SPICE1: variants seen among roughly 807,000 people sequenced by gnomAD.
The protein encoded by SPICE1 is spindle and centriole associated protein 1.
Under a neutral mutation model 102.7 loss-of-function variants are expected in SPICE1, and 75 were observed. The observed-to-expected ratio is 0.73, with a 90% CI of 0.61 to 0.88. SPICE1 has a LOEUF of 0.88. Among genes scored for constraint, SPICE1 ranks in the 40% least tolerant of loss-of-function variants. The pLI is 0.00. For synonymous variants in SPICE1, 308 were observed against 350.3 expected, an observed-to-expected ratio of 0.88 and a Z score of 1.35; for missense variants, 979 against 1,020.1, an observed-to-expected ratio of 0.96 and a Z score of 0.55.
At chr3:113,503,306 G>T in intron 2 of SPICE1, 79 bp from the exon 3 acceptor site, 1 of 1,361,400 alleles carries the variant, frequency 7.3e-7, no homozygotes, top group East Asian at 2.7e-5. Flanking sequence ...GATTTTAATG[G>T]CTAAAATGGT....
intron 4 of SPICE1, among the ~76,000 whole-genome samples, chr3:113,494,356 AT>A (rs1936827504): frequency 6.6e-6 from 1 of 152,186 alleles, no homozygotes; most frequent in South Asian, 2.1e-4. Context: ...AGTAAGAAAT[AT>A]TCACAATTGG....
chr3:113,464,844 T>G (rs960581735), intron 11 of SPICE1, among the ~76,000 whole-genome samples: 2 of 152,156 alleles, frequency 1.3e-5, no homozygotes, highest in African/African-American at 4.8e-5. Context: ...CAGTGGCTCA[T>G]GCCTGTAATC....
intron 7 of SPICE1, among the ~76,000 whole-genome samples, chr3:113,487,018 C>T (rs773318709): frequency 6.6e-6 from 1 of 151,814 alleles, no homozygotes; most frequent in Non-Finnish European, 1.5e-5. Flanking sequence ...ACCCTGAAAA[C>T]AGCTTTTTGT....
In SPICE1 at chr3:113,513,673, C is replaced by T. The variant is rs369427119; in HGVS notation, c.-1+1224G>A. On this transcript the variant is annotated intron_variant, in intron 1 of 17. Coordinates refer to ENST00000295872, the MANE Select transcript of SPICE1 (RefSeq NM_144718.4). ...CCTTATCTCTTAGTGAATCAGATAACAGAATCTATTAACTTTTTCCCTAAA... is the reference window on the plus strand; with the variant it reads ...CCTTATCTCTTAGTGAATCAGATAATAGAATCTATTAACTTTTTCCCTAAA... Among the ~76,000 whole-genome samples the T allele has an allele frequency of 9.7e-4, 147 of 152,308 alleles. 1 individual carries two copies. The highest frequency in any genetic ancestry group is 3.3e-3 in the African/African-American group (137 of 41,558).
At chr3:113,510,747 G>A (rs1009152241) in intron 1 of SPICE1, among the ~76,000 whole-genome samples, 7 of 151,998 alleles carry the variant, frequency 4.6e-5, no homozygotes, top group South Asian at 4.1e-4. Flanking sequence ...CAATTGTAAC[G>A]AAAGCAAAAC....
chr3:113,460,673 T>C lies in SPICE1; in HGVS notation c.1379A>G (p.Gln460Arg). 1.2e-6 allele frequency: 2 copies of C among 1,614,006 alleles called. No individual in the cohort carries two copies. The highest frequency in any genetic ancestry group is 1.7e-6 in the Non-Finnish European group (2 of 1,179,938). ...TCCGCTTTCTGATGCCTGAATTTCTTGTCTGTTATTTATCACAGGACAGTT... is the reference window on the plus strand; with the variant it reads ...TCCGCTTTCTGATGCCTGAATTTCTCGTCTGTTATTTATCACAGGACAGTT... ...IKNCPVINNR[Q>R]EIQASESGAT... is the part of the protein sequence containing the mutation. Residue 460 changes from glutamine (Q) to arginine (R), a missense_variant, in exon 12 of 18, where the codon CAA becomes CGA. Physicochemically the swap from Gln to Arg is conservative, Grantham distance 43. Coordinates refer to ENST00000295872, the MANE Select transcript of SPICE1 (RefSeq NM_144718.4).
intron 7 of SPICE1, among the ~76,000 whole-genome samples, chr3:113,473,552 G>C (rs1171461545): frequency 1.3e-5 from 2 of 152,138 alleles, no homozygotes; most frequent in Non-Finnish European, 2.9e-5. Flanking sequence ...TCGGGTTACT[G>C]ACAAAGGGAA....
At chr3:113,494,600 T>A in intron 4 of SPICE1, among the ~76,000 whole-genome samples, 1 of 143,650 alleles carries the variant, frequency 7.0e-6, no homozygotes, top group Non-Finnish European at 1.5e-5. Flanking sequence ...TGAGCCGAGA[T>A]CCCGCCACTG....
In SPICE1 at chr3:113,453,613, T is replaced by C. The variant is rs1382884029; in HGVS notation, c.1995A>G (p.Arg665=). 13 of 1,614,060 alleles carry C rather than the reference T, an allele frequency of 8.1e-6. No homozygotes were observed. The highest frequency in any genetic ancestry group is 1.1e-5 in the Non-Finnish European group (13 of 1,180,042). ...CAGCAATTCGTGTCATTATGTCCTTTCTTTGTATTAATGACTCATTTGTTC... is the reference window on the plus strand; with the variant it reads ...CAGCAATTCGTGTCATTATGTCCTTCCTTTGTATTAATGACTCATTTGTTC... ...QLRTNESLIQ[R]KDIMTRIADL... is the part of the protein sequence containing the mutation. Residue 665 remains arginine, a synonymous_variant, in exon 14 of 18, where the codon AGA becomes AGG. Transcript: ENST00000295872.
intron 7 of SPICE1, among the ~76,000 whole-genome samples, chr3:113,472,982 T>C (rs1217776657): frequency 6.6e-6 from 1 of 152,120 alleles, no homozygotes; most frequent in Non-Finnish European, 1.5e-5. Context: ...ACGATCAAAC[T>C]ACTCCGAGCT....
chr3:113,493,077 A>T, intron 6 of SPICE1, 129 bp downstream of exon 6: 1 of 646,728 alleles, frequency 1.5e-6, no homozygotes, highest in Non-Finnish European at 2.6e-6. Flanking sequence ...CAATACACTT[A>T]AGAGCAAATC....
At chr3:113,454,795 A>G (rs1156384213) in intron 13 of SPICE1, among the ~76,000 whole-genome samples, 1 of 152,148 alleles carries the variant, frequency 6.6e-6, no homozygotes, top group Non-Finnish European at 1.5e-5. Flanking sequence ...GACACAAGTG[A>G]CTGATAAGTG....
At chr3:113,486,941 T>G (rs1172614998) in intron 7 of SPICE1, among the ~76,000 whole-genome samples, 1 of 151,122 alleles carries the variant, frequency 6.6e-6, no homozygotes, top group African/African-American at 2.4e-5. Flanking sequence ...CTAAGGAAAC[T>G]GATCACCTAC....
At chr3:113,512,072 G>A (rs1937232183) in intron 1 of SPICE1, among the ~76,000 whole-genome samples, 1 of 152,200 alleles carries the variant, frequency 6.6e-6, no homozygotes, top group South Asian at 2.1e-4. Context: ...TAAAACTCCA[G>A]ATGAGAATGC....
At chr3:113,452,962 A>C (rs1479839966) in intron 14 of SPICE1, among the ~76,000 whole-genome samples, 1 of 152,184 alleles carries the variant, frequency 6.6e-6, no homozygotes, top group East Asian at 1.9e-4. Flanking sequence ...TGGGCAACAG[A>C]GCAAGACTCC....
At chr3:113,491,347 G>C (rs572722828) in intron 6 of SPICE1, among the ~76,000 whole-genome samples, 1 of 151,960 alleles carries the variant, frequency 6.6e-6, no homozygotes, top group East Asian at 1.9e-4. Context: ...CAGGCCGGGC[G>C]TGGTGGCTCA....
intron 2 of SPICE1, among the ~76,000 whole-genome samples, chr3:113,503,793 C>A (rs765359986): frequency 6.6e-6 from 1 of 152,008 alleles, no homozygotes; most frequent in East Asian, 1.9e-4. Context: ...ATTAGCCAGA[C>A]CTGGTGGCGG....
At chr3:113,511,616 G>C (rs565141552) in intron 1 of SPICE1, among the ~76,000 whole-genome samples, 4 of 152,232 alleles carry the variant, frequency 2.6e-5, no homozygotes, top group Admixed American at 6.5e-5. Context: ...TCAGATGGCA[G>C]GGGGATGCAG....
At chr3:113,445,657 T>C (rs9682696) in intron 17 of SPICE1, among the ~76,000 whole-genome samples, 6,275 of 152,252 alleles carry the variant, frequency 0.041, 426 homozygotes, top group African/African-American at 0.14. Context: ...AGTTATTTGG[T>C]CTTAGTAAAT....
Sources: allele counts gnomAD v4.1 joint callset (sites outside exome capture counted in the v4.1 genomes callset), GRCh38; gene constraint gnomAD v4.1.1; transcripts MANE v1.5; gene names NCBI Gene and HGNC (gene_info 2026-07-23, HGNC 2026-07-21).